SCFD2: variants seen among roughly 807,000 people sequenced by gnomAD.
SCFD2 encodes sec1 family domain-containing protein 2.
Under a neutral mutation model 58.9 loss-of-function variants are expected in SCFD2, and 54 were observed. That is an observed-to-expected ratio of 0.92 (90% CI 0.74 to 1.15). The LOEUF is 1.15. Among genes scored for constraint, SCFD2 ranks in the 50% most tolerant of loss-of-function variants. The pLI, the probability that SCFD2 is intolerant of heterozygous loss-of-function variation, is 0.00. For missense variants in SCFD2, 805 were observed against 836.6 expected (o/e 0.96, Z 0.47); for synonymous variants, 321 against 335.9 (o/e 0.96, Z 0.49).
chr4:53,050,439 A>C (rs1723159082), intron 5 of SCFD2, among the ~76,000 whole-genome samples: 2 of 152,210 alleles, frequency 1.3e-5, no homozygotes, highest in African/African-American at 4.8e-5. Context: ...TCAAGATGAC[A>C]AAGCTCAGAA....
intron 5 of SCFD2, among the ~76,000 whole-genome samples, chr4:53,059,371 T>C (rs1723438984): frequency 6.6e-6 from 1 of 152,102 alleles, no homozygotes; most frequent in Non-Finnish European, 1.5e-5. Context: ...TCATTCAATC[T>C]TCAAAGCAAC....
At chr4:53,024,756 T>C (rs1027974544) in intron 5 of SCFD2, among the ~76,000 whole-genome samples, 5 of 150,122 alleles carry the variant, frequency 3.3e-5, no homozygotes, top group South Asian at 2.1e-4. Flanking sequence ...AGCTAACCCA[T>C]GGGATGACGT....
chr4:53,249,747 T>C (rs1186183022), intron 4 of SCFD2, among the ~76,000 whole-genome samples: 1 of 151,858 alleles, frequency 6.6e-6, no homozygotes, highest in Non-Finnish European at 1.5e-5. Context: ...GACAAGCAAA[T>C]GCTGAGAGAT....
intron 5 of SCFD2, among the ~76,000 whole-genome samples, chr4:52,926,926 C>A (rs1010103863): frequency 6.6e-6 from 1 of 152,170 alleles, no homozygotes; most frequent in Admixed American, 6.5e-5. Context: ...TTTCTCATGG[C>A]TTTCAATAAA....
At chr4:53,198,227 A>G (rs1051984279) in intron 4 of SCFD2, among the ~76,000 whole-genome samples, 2 of 152,082 alleles carry the variant, frequency 1.3e-5, no homozygotes, top group African/African-American at 4.8e-5. Flanking sequence ...TAATTACTGT[A>G]TTTGACTTTA....
rs138592859 is a variant in SCFD2, at chr4:53,365,904, C to A, written c.38G>T (p.Gly13Val). 2 of 1,591,828 alleles carry A rather than the reference C, an allele frequency of 1.3e-6. No individual in the cohort carries two copies. Among genetic ancestry groups the A allele is most frequent in the South Asian group, 2.3e-5 (2 of 88,664 alleles). ...ASGVLSFTQQGWEQVLAKVKR... is the reference protein window; with the variant it reads ...ASGVLSFTQQVWEQVLAKVKR... ...CACTTTGGCCAGCACCTGCTCCCAT[C>A]CTTGCTGGGTAAAGGACAGTACGCC... The change falls in exon 1 of 9, where the codon GGA (glycine) becomes GTA (valine). Residue 13 changes from glycine (G) to valine (V), a missense_variant. Physicochemically the swap from Gly to Val is moderately radical, Grantham distance 109 (BLOSUM62 -3). Transcript: ENST00000401642. The surrounding 1 kb of genome is among the most constrained non-coding windows in gnomAD (Gnocchi z 4.3).
intron 5 of SCFD2, among the ~76,000 whole-genome samples, chr4:52,992,524 C>T (rs1016006608): frequency 6.6e-6 from 1 of 151,384 alleles, no homozygotes; most frequent in Non-Finnish European, 1.5e-5. Context: ...TGCCCGGCCA[C>T]CCAGTCTGGC....
chr4:52,924,547 C>T (rs972026027), intron 5 of SCFD2, among the ~76,000 whole-genome samples: 7 of 152,126 alleles, frequency 4.6e-5, no homozygotes, highest in Non-Finnish European at 8.8e-5. Flanking sequence ...TCTATCCAAA[C>T]CATTAACCCT....
chr4:53,252,298 G>A (rs1375389402), intron 4 of SCFD2, among the ~76,000 whole-genome samples: 1 of 148,816 alleles, frequency 6.7e-6, no homozygotes, highest in Non-Finnish European at 1.5e-5. Context: ...TCGTGAAAAT[G>A]GCCATACTGC....
chr4:53,327,962 C>A (rs1168180848), intron 2 of SCFD2, among the ~76,000 whole-genome samples: 1 of 151,842 alleles, frequency 6.6e-6, no homozygotes, highest in East Asian at 1.9e-4. Flanking sequence ...AACCCTGTCT[C>A]TACTAAAAAT....
intron 2 of SCFD2, among the ~76,000 whole-genome samples, chr4:53,333,676 G>C (rs11133262): frequency 7.2e-6 from 1 of 137,946 alleles, no homozygotes; most frequent in Non-Finnish European, 1.6e-5. Flanking sequence ...ATACCATTCA[G>C]GACATAGGCA....
intron 4 of SCFD2, among the ~76,000 whole-genome samples, chr4:53,203,134 G>A (rs535308239): frequency 5.5e-4 from 84 of 152,252 alleles, no homozygotes; most frequent in African/African-American, 1.8e-3. Context: ...TCCAGTTTTC[G>A]TTCATTCAGC....
intron 2 of SCFD2, among the ~76,000 whole-genome samples, chr4:53,331,166 T>G (rs1577974956): frequency 6.6e-6 from 1 of 151,336 alleles, no homozygotes; most frequent in East Asian, 1.9e-4. Context: ...AACACCCCAC[T>G]GTCAACATTA....
At chr4:53,042,843 T>C (rs1722933837) in intron 5 of SCFD2, among the ~76,000 whole-genome samples, 1 of 152,154 alleles carries the variant, frequency 6.6e-6, no homozygotes, top group Non-Finnish European at 1.5e-5. Flanking sequence ...TAGTTTCTCC[T>C]TGGGACTATG....
At chr4:52,979,069 G>C (rs1378414800) in intron 5 of SCFD2, among the ~76,000 whole-genome samples, 2 of 150,662 alleles carry the variant, frequency 1.3e-5, no homozygotes, top group Non-Finnish European at 3.0e-5. Context: ...TTTTTTTGGG[G>C]GGGGGAGTAG....
rs1468089917 is a variant in SCFD2, at chr4:53,365,644, A to T, written c.298T>A (p.Tyr100Asn). 29 of 1,614,026 alleles carry T rather than the reference A, an allele frequency of 1.8e-5. No individual in the cohort carries two copies. Among genetic ancestry groups the T allele is most frequent in the Non-Finnish European group, 2.5e-5 (29 of 1,180,040 alleles). Residue 100 changes from tyrosine to asparagine, a missense_variant, in exon 1 of 9, where the codon TAT (tyrosine) becomes AAT (asparagine). By Grantham distance (143) the Tyr-to-Asn change is moderately radical. Around this residue, in one of 3 missense-constraint regions of SCFD2, gnomAD observed 155 missense variants for 149.7 expected, o/e 1.04. Coordinates refer to ENST00000401642, the MANE Select transcript of SCFD2 (RefSeq NM_152540.4). This position sits in a 1 kb window ranked among gnomAD's most constrained non-coding sequence, Gnocchi z 4.3. ...CTCACGGTTGTGACCACCACACAAT[A>T]CTGGAAGTGACTGCGGCAGATGATG... The part of the protein sequence containing the change: ...RDIICRSHFQ[Y>N]CVVVTTVSHA...
intron 2 of SCFD2, among the ~76,000 whole-genome samples, chr4:53,335,864 C>G (rs1327218490): frequency 1.3e-5 from 2 of 152,170 alleles, no homozygotes; most frequent in Non-Finnish European, 2.9e-5. Flanking sequence ...TACCAAGCAT[C>G]TAAATGCTCA....
chr4:53,335,200 AAAAAAAAAAAAAACAAC>A (rs1281128974), intron 2 of SCFD2, among the ~76,000 whole-genome samples: 435 of 145,754 alleles, frequency 3.0e-3, no homozygotes, highest in African/African-American at 0.011. Flanking sequence ...GTCTCAAAAA[AAAAAAAAAAAAAACAAC>A]AAAAAAAAAA....
chr4:53,181,544 A>G (rs1486183424), intron 4 of SCFD2, among the ~76,000 whole-genome samples: 2 of 152,184 alleles, frequency 1.3e-5, no homozygotes, highest in African/African-American at 2.4e-5. Context: ...CCCACAGCCA[A>G]TATCATACTG....
Sources: gnomAD v4.1 joint callset for allele counts (sites outside exome capture counted in the v4.1 genomes callset) on GRCh38, gnomAD v4.1.1 for gene constraint, gnomAD v4.1.1 regional missense constraint, Gnocchi (gnomAD v3.1) non-coding constraint, MANE v1.5 for transcripts, NCBI Gene and HGNC (gene_info 2026-07-23, HGNC 2026-07-21) for gene names.